WDFY1: variants seen among roughly 807,000 people sequenced by gnomAD.
WDFY1 encodes the protein WD repeat and FYVE domain-containing protein 1.
In WDFY1, 32 loss-of-function variants were observed where a neutral mutation model predicts 56.4. The observed-to-expected ratio is 0.57, with a 90% CI of 0.43 to 0.76. WDFY1 has a LOEUF of 0.76. Among genes scored for constraint, WDFY1 ranks in the 30% least tolerant of loss-of-function variants. The pLI is 0.00. For synonymous variants in WDFY1, 192 were observed against 197.3 expected (o/e 0.97, Z 0.23); for missense variants, 480 against 545.7 (o/e 0.88, Z 1.20).
At chr2:223,941,116 C>T (rs565141756) in intron 1 of WDFY1, among the ~76,000 whole-genome samples, 106 of 151,988 alleles carry the variant, frequency 7.0e-4, no homozygotes, top group Middle Eastern at 3.4e-3. Flanking sequence ...GCCACTGCAC[C>T]CAGCCAATTT....
At chr2:223,935,149 C>A (rs1404173621) in intron 1 of WDFY1, among the ~76,000 whole-genome samples, 2 of 152,156 alleles carry the variant, frequency 1.3e-5, no homozygotes, top group Non-Finnish European at 2.9e-5. Flanking sequence ...ATGCCCCCAT[C>A]AATACTGGTT....
At position 223,905,978 on chromosome 2, in the gene WDFY1, A is replaced by G. The variant is rs780672100; in HGVS notation, c.303T>C (p.Phe101=). 6 of 1,581,820 alleles carry G rather than the reference A, an allele frequency of 3.8e-6. No homozygotes were observed. Among genetic ancestry groups the G allele is most frequent in the South Asian group, 1.2e-5 (1 of 84,892 alleles). Residue 101 remains phenylalanine (F), a synonymous_variant, in exon 4 of 12, where the codon TTT becomes TTC. Coordinates refer to ENST00000233055, the MANE Select transcript of WDFY1 (RefSeq NM_020830.5). ...AGGTCTTGATAAAGTTCATTTTATT[A>G]AAATCTTCAGAAACGTGAAATTCCT... ...AVMEFHVSED[F]NKMNFIKTYP...
intron 1 of WDFY1, among the ~76,000 whole-genome samples, chr2:223,926,153 A>T (rs60093177): frequency 0.015 from 2,223 of 152,228 alleles, 53 homozygotes; most frequent in African/African-American, 0.05. Flanking sequence ...CCTTATAAAA[A>T]AATTTTCTTT....
chr2:223,940,869 C>T (rs578115782), intron 1 of WDFY1, among the ~76,000 whole-genome samples: 1 of 151,934 alleles, frequency 6.6e-6, no homozygotes, highest in South Asian at 2.1e-4. Context: ...GTTGCACAGG[C>T]TGGAGGGCAA....
intron 1 of WDFY1, among the ~76,000 whole-genome samples, chr2:223,936,329 T>C (rs1694168532): frequency 6.6e-6 from 1 of 152,004 alleles, no homozygotes. Context: ...CCCCATGTTC[T>C]GTGATTACAG....
intron 1 of WDFY1, among the ~76,000 whole-genome samples, chr2:223,939,898 G>A (rs200194366): frequency 6.6e-6 from 1 of 152,166 alleles, no homozygotes; most frequent in Non-Finnish European, 1.5e-5. Flanking sequence ...AGAACCACTG[G>A]CCTAGATTTT....
In WDFY1 at chr2:223,880,132, T is replaced by C. The variant is rs776921626; in HGVS notation, c.1165A>G (p.Ile389Val). ...ACAATTAGCCAGCTTACCTTTACAA[T>C]GCGGTCGGTCCCACAGGTCACCATC... ...GLMVTCGTDR[I>V]VKIWDMTPVV... is the part of the protein sequence containing the mutation. Residue 389 changes from isoleucine to valine, a missense_variant, in exon 11 of 12, where the codon ATT becomes GTT. Coordinates refer to ENST00000233055, the MANE Select transcript of WDFY1 (RefSeq NM_020830.5). 20 of 1,613,804 alleles carry C rather than the reference T, an allele frequency of 1.2e-5. No homozygotes were observed. Among genetic ancestry groups the C allele is most frequent in the Non-Finnish European group, 1.4e-5 (17 of 1,179,836 alleles).
At chr2:223,900,354 G>C (rs755683707) in intron 5 of WDFY1, among the ~76,000 whole-genome samples, 8 of 152,134 alleles carry the variant, frequency 5.3e-5, no homozygotes, top group Admixed American at 6.5e-5. Context: ...GCATTCATTT[G>C]TAGCAAACAT....
chr2:223,910,083 T>G (rs1693668562), intron 3 of WDFY1, among the ~76,000 whole-genome samples: 1 of 152,080 alleles, frequency 6.6e-6, no homozygotes, highest in South Asian at 2.1e-4. Context: ...AACATTGACT[T>G]CTGGAAACTC....
At chr2:223,927,178 TAA>T (rs1025058642) in intron 1 of WDFY1, among the ~76,000 whole-genome samples, 1 of 152,212 alleles carries the variant, frequency 6.6e-6, no homozygotes, top group African/African-American at 2.4e-5. Context: ...GACTTCAACT[TAA>T]AGTTACCAGC....
chr2:223,940,298 A>ATAAAGATTACAAACAGTCTCATT (rs540299902), intron 1 of WDFY1, among the ~76,000 whole-genome samples: 87 of 152,342 alleles, frequency 5.7e-4, no homozygotes, highest in African/African-American at 2.1e-3. Flanking sequence ...CATGCAGTAA[A>ATAAAGATTACAAACAGTCTCATT]TAAAGATTAC....
At chr2:223,934,577 A>C (rs1362506656) in intron 1 of WDFY1, among the ~76,000 whole-genome samples, 1 of 152,036 alleles carries the variant, frequency 6.6e-6, no homozygotes, top group South Asian at 2.1e-4. Flanking sequence ...CTGGAGTGCA[A>C]TGGTACTATC....
chr2:223,897,369 TATATATA>T (rs1212056075), intron 6 of WDFY1, among the ~76,000 whole-genome samples: 10,391 of 66,038 alleles, frequency 0.16, 811 homozygotes, highest in Non-Finnish European at 0.18. Context: ...TATATATATA[TATATATA>T]TATATATATA....
At chr2:223,882,204 G>A (rs911272617) in intron 9 of WDFY1, 132 bp from the exon 10 acceptor site, 55 of 1,206,490 alleles carry the variant, frequency 4.6e-5, no homozygotes, top group Middle Eastern at 6.6e-4. Context: ...AACCTCTGGC[G>A]CCCGGGTTCT....
At chr2:223,926,806 T>TAA (rs1693991335) in intron 1 of WDFY1, among the ~76,000 whole-genome samples, 1 of 152,124 alleles carries the variant, frequency 6.6e-6, no homozygotes, top group Admixed American at 6.6e-5. Context: ...CAGCTGGACT[T>TAA]ACAGATGTGC....
In WDFY1 at chr2:223,878,642, T is replaced by C. The variant is rs1693011204; in HGVS notation, c.*29A>G. 6.3e-7 allele frequency: 1 copy of C among 1,575,506 alleles called. No homozygotes were observed. The highest frequency in any genetic ancestry group is 1.4e-5 in the African/African-American group (1 of 74,060). On this transcript the variant is annotated 3_prime_UTR_variant, in exon 12 of 12. Transcript: ENST00000233055. ...ACTTCATTTGGTGGAGCTGCTGTTC[T>C]TAGGTGTGGACGCCGCCCAGCTCTC...
intron 1 of WDFY1, among the ~76,000 whole-genome samples, chr2:223,940,821 TTTTTTG>T (rs1689291732): frequency 1.3e-5 from 2 of 151,700 alleles, no homozygotes; most frequent in South Asian, 4.2e-4. Context: ...TTTTGTGGGT[TTTTTTG>T]TTTTTGTTTT....
chr2:223,943,384 G>A (rs943945686), intron 1 of WDFY1, among the ~76,000 whole-genome samples: 83 of 152,162 alleles, frequency 5.5e-4, no homozygotes, highest in South Asian at 4.1e-4. Flanking sequence ...CTCACAATCA[G>A]CTCATTATCT....
Position 223,895,579 on chromosome 2 carries a change from C to T in WDFY1, c.650G>A (p.Gly217Glu). ...CATGATGATGCTGTTGTCAGATGCTCCTGAGAAGAGTAACCGCTGAATAGG... is the reference window on the plus strand; with the variant it reads ...CATGATGATGCTGTTGTCAGATGCTTCTGAGAAGAGTAACCGCTGAATAGG... ...WDPIQRLLFS[G>E]ASDNSIIMWD... The change falls in exon 7 of 12, where the codon GGA (glycine) becomes GAA (glutamate). Residue 217 changes from glycine to glutamate, a missense_variant. Physicochemically the swap from Gly to Glu is moderately conservative, Grantham distance 98. Transcript: ENST00000233055. The T allele has an allele frequency of 1.2e-6, 2 of 1,614,032 alleles. No homozygotes were observed. The highest frequency in any genetic ancestry group is 1.7e-6 in the Non-Finnish European group (2 of 1,179,986).
Sources: allele counts gnomAD v4.1 joint callset (sites outside exome capture counted in the v4.1 genomes callset), GRCh38; gene constraint gnomAD v4.1.1; transcripts MANE v1.5; gene names NCBI Gene and HGNC (gene_info 2026-07-23, HGNC 2026-07-21).